The following ARK2N variants were observed in gnomAD, a reference collection of about 807,000 sequenced individuals.
ARK2N encodes the protein protein ARK2N.
chr18:46,265,832 C>G, the ARK2N span: 5 of 152,574 alleles, frequency 3.3e-5, no homozygotes, highest in Non-Finnish European at 5.9e-5. Context: ...ATAAGTAGTT[C>G]TTTATGCTTC....
At chr18:46,209,829 C>G in the ARK2N span, among the ~76,000 whole-genome samples, 4 of 152,066 alleles carry the variant, frequency 2.6e-5, no homozygotes, top group East Asian at 5.8e-4. Flanking sequence ...CCCCTGACCT[C>G]GTGATCCGCC....
the ARK2N span, chr18:46,265,278 G>A: frequency 1.3e-5 from 2 of 152,768 alleles, no homozygotes; most frequent in East Asian, 3.9e-4. Context: ...CAGGGCAGAG[G>A]CCCATTTTAA....
At chr18:46,253,915 C>T in the ARK2N span, 4 of 1,377,270 alleles carry the variant, frequency 2.9e-6, no homozygotes, top group Non-Finnish European at 2.0e-6. Context: ...GACTTTATGG[C>T]ATAGCTGGCA....
chr18:46,262,947 T>G, the ARK2N span: 1 of 1,613,950 alleles, frequency 6.2e-7, no homozygotes, highest in African/African-American at 1.3e-5. Flanking sequence ...ATCCTCGAGG[T>G]GGTGTGATTC....
the ARK2N span, among the ~76,000 whole-genome samples, chr18:46,247,278 A>G: frequency 6.6e-6 from 1 of 152,190 alleles, no homozygotes; most frequent in African/African-American, 2.4e-5. Flanking sequence ...GAATAAGGCT[A>G]TTGGAGGTAG....
the ARK2N span, among the ~76,000 whole-genome samples, chr18:46,199,260 A>G: frequency 6.6e-6 from 1 of 151,968 alleles, no homozygotes; most frequent in Non-Finnish European, 1.5e-5. Flanking sequence ...TTCAGGCTGA[A>G]CTACATTTCC....
chr18:46,176,428 T>G, the ARK2N span, among the ~76,000 whole-genome samples: 1 of 151,982 alleles, frequency 6.6e-6, no homozygotes, highest in Non-Finnish European at 1.5e-5. Context: ...GAGAAAAACC[T>G]GTAAAGGTGA....
At chr18:46,242,009 A>G in the ARK2N span, among the ~76,000 whole-genome samples, 8 of 152,036 alleles carry the variant, frequency 5.3e-5, no homozygotes, top group Admixed American at 4.6e-4. Flanking sequence ...GGGTTTTACC[A>G]TGTTAGCCAG....
At chr18:46,181,028 G>A in the ARK2N span, among the ~76,000 whole-genome samples, 1 of 152,100 alleles carries the variant, frequency 6.6e-6, no homozygotes, top group Non-Finnish European at 1.5e-5. Flanking sequence ...TTGGGAAGCC[G>A]AGGCAGGTGG....
chr18:46,203,288 CAG>C, the ARK2N span, among the ~76,000 whole-genome samples: 4 of 152,156 alleles, frequency 2.6e-5, no homozygotes, highest in African/African-American at 9.7e-5. Context: ...TATAGTTATA[CAG>C]TGGAATACTT....
chr18:46,216,483 G>T, the ARK2N span: 2 of 1,614,172 alleles, frequency 1.2e-6, no homozygotes, highest in South Asian at 1.1e-5. This position sits in a 1 kb window ranked among gnomAD's most constrained non-coding sequence, Gnocchi z 4.3. Flanking sequence ...ATAACCTGCT[G>T]CAGGACAGTA....
At chr18:46,241,156 T>C in the ARK2N span, among the ~76,000 whole-genome samples, 1 of 152,262 alleles carries the variant, frequency 6.6e-6, no homozygotes, top group Non-Finnish European at 1.5e-5. Flanking sequence ...CTCCATTGAT[T>C]GTTGTTGTCT....
At chr18:46,263,121 C>A in the ARK2N span, 2 of 1,600,818 alleles carry the variant, frequency 1.2e-6, no homozygotes, top group Non-Finnish European at 1.7e-6. Context: ...TACTGTAATA[C>A]AATGTCACTG....
chr18:46,190,639 T>A, the ARK2N span, among the ~76,000 whole-genome samples: 3 of 151,462 alleles, frequency 2.0e-5, no homozygotes, highest in Non-Finnish European at 2.9e-5. Context: ...TTTAAAAAAA[T>A]TTCTTGAAAC....
At chr18:46,194,246 C>T in the ARK2N span, among the ~76,000 whole-genome samples, 1 of 152,076 alleles carries the variant, frequency 6.6e-6, no homozygotes, top group Non-Finnish European at 1.5e-5. Context: ...ACCACCATGC[C>T]TGGCCCTCTG....
At chr18:46,194,294 A>T in the ARK2N span, among the ~76,000 whole-genome samples, 2 of 148,854 alleles carry the variant, frequency 1.3e-5, no homozygotes, top group Non-Finnish European at 3.0e-5. Context: ...CCTGTTATGG[A>T]GGGGAGGTTT....
At chr18:46,192,883 CAAAAAAAA>C in the ARK2N span, among the ~76,000 whole-genome samples, 1 of 139,482 alleles carries the variant, frequency 7.2e-6, no homozygotes, top group South Asian at 2.3e-4. Context: ...GAGACTGTCT[CAAAAAAAA>C]AAAAAAAAGA....
chr18:46,239,170 A>G, the ARK2N span, among the ~76,000 whole-genome samples: 3 of 152,184 alleles, frequency 2.0e-5, no homozygotes, highest in Non-Finnish European at 4.4e-5. Flanking sequence ...TTTAGCATGA[A>G]TTGCTGCAGT....
chr18:46,233,532 C>A, the ARK2N span, among the ~76,000 whole-genome samples: 1 of 152,162 alleles, frequency 6.6e-6, no homozygotes. Flanking sequence ...AATAACCCCA[C>A]TTGAATCAGA....
Sources: allele counts gnomAD v4.1 joint callset (sites outside exome capture counted in the v4.1 genomes callset), GRCh38; gene constraint gnomAD v4.1.1; non-coding constraint Gnocchi (gnomAD v3.1); transcripts MANE v1.5; gene names NCBI Gene and HGNC (gene_info 2026-07-23, HGNC 2026-07-21).